The following KMT2E variants were observed in gnomAD, a reference collection of about 807,000 sequenced individuals.
KMT2E encodes histone reader KMT2E.
KMT2E carries 30 observed loss-of-function variants against 184.6 expected under a neutral mutation model. The ratio of observed to expected loss-of-function variants is 0.16; its 90% CI spans 0.12 to 0.22. The LOEUF (loss-of-function observed/expected upper bound fraction) is 0.22. Ranked by LOEUF, KMT2E falls within the 10% of genes least tolerant of loss-of-function variation. The probability of loss-of-function intolerance (pLI) is 1.00; values close to 1 mark genes in which losing one functional copy is unlikely to be tolerated. For missense variants in KMT2E, 2,023 were observed against 2,237.4 expected, an observed-to-expected ratio of 0.90 and a Z score of 1.93; for synonymous variants, 815 against 776.5, an observed-to-expected ratio of 1.05 and a Z score of -0.82.
At chr7:105,092,811 C>G (rs1304961398) in intron 15 of KMT2E, among the ~76,000 whole-genome samples, 1 of 151,984 alleles carries the variant, frequency 6.6e-6, no homozygotes, top group Non-Finnish European at 1.5e-5. Context: ...TTACTTATTT[C>G]TGTGTGTGGC....
chr7:105,065,133 T>G (rs1466692242), intron 5 of KMT2E, among the ~76,000 whole-genome samples: 1 of 152,220 alleles, frequency 6.6e-6, no homozygotes, highest in Non-Finnish European at 1.5e-5. Context: ...TCTGTTTTTC[T>G]GTTGCTCAGC....
At chr7:105,019,356 T>C (rs1231570933) in intron 1 of KMT2E, among the ~76,000 whole-genome samples, 1 of 152,208 alleles carries the variant, frequency 6.6e-6, no homozygotes, top group Non-Finnish European at 1.5e-5. Flanking sequence ...GATTTTATTT[T>C]TGGACAGAAA....
intron 1 of KMT2E, among the ~76,000 whole-genome samples, chr7:105,032,277 C>G (rs995275829): frequency 1.3e-5 from 2 of 151,628 alleles, no homozygotes; most frequent in Non-Finnish European, 2.9e-5. Context: ...AATGCTGTCT[C>G]TACTAAAAAT....
At chr7:105,076,166 GCT>G in intron 9 of KMT2E, 85 bp downstream of exon 9, 2 of 948,368 alleles carry the variant, frequency 2.1e-6, no homozygotes, top group Non-Finnish European at 3.4e-6. Context: ...TTTACTTAAT[GCT>G]CTGTTTATTG....
chr7:105,114,420 G>C lies in KMT2E; in HGVS notation c.*1087G>C, dbSNP rs981088526. 2.6e-5 allele frequency: 4 copies of C among 152,108 alleles called. No homozygotes were observed. The highest frequency in any genetic ancestry group is 7.2e-5 in the African/African-American group (3 of 41,504). The allele number at this position is 152,108 out of a possible 1,614,324, so 9.4% of individuals were successfully genotyped here. A position where few individuals can be genotyped will look rare whatever the true frequency, so the allele number is the denominator to read the frequency against. ...TGCCCAAAACAGGAAAATTTGTCTT[G>C]GGTGTAAAAACTAAAGAAAAAAGGC... On this transcript the variant is annotated 3_prime_UTR_variant, in exon 27 of 27. Coordinates refer to ENST00000311117, the MANE Select transcript of KMT2E (RefSeq NM_182931.3).
intron 13 of KMT2E, among the ~76,000 whole-genome samples, chr7:105,087,400 C>G (rs1163555727): frequency 6.7e-6 from 1 of 148,970 alleles, no homozygotes; most frequent in African/African-American, 2.5e-5. Flanking sequence ...CTTGATTATT[C>G]ATGAATGCAG....
chr7:105,080,182 CTATT>C (rs1797704969), intron 12 of KMT2E, among the ~76,000 whole-genome samples: 1 of 152,038 alleles, frequency 6.6e-6, no homozygotes, highest in South Asian at 2.1e-4. Flanking sequence ...CTTGGAAGCT[CTATT>C]TATGGCTCAA....
At chr7:105,067,789 G>A (rs1472771148) in intron 6 of KMT2E, among the ~76,000 whole-genome samples, 4 of 152,086 alleles carry the variant, frequency 2.6e-5, no homozygotes, top group Non-Finnish European at 4.4e-5. Context: ...TGGGAAACAT[G>A]GTGAAACCCT....
chr7:105,040,332 T>C (rs1020317954), intron 2 of KMT2E, among the ~76,000 whole-genome samples: 1 of 152,168 alleles, frequency 6.6e-6, no homozygotes, highest in Non-Finnish European at 1.5e-5. Flanking sequence ...TATACAATAA[T>C]AGACAATTAC....
rs553008712 is a variant in KMT2E at position 105,025,064 on chromosome 7, A to G, written c.-189+10529A>G. Among the ~76,000 whole-genome samples, 3 of 152,284 alleles carry G rather than the reference A, an allele frequency of 2.0e-5. No individual in the cohort carries two copies. The South Asian group carries it at 6.2e-4, about 32-fold the overall frequency. ...AGTGCTACTGAAAAATTTGCACTGG[A>G]GAATGACATGTGGAACGTGGCTTAT... On this transcript the variant is annotated intron_variant, in intron 1 of 26. Transcript: ENST00000311117.
At chr7:105,076,179 TG>T in intron 9 of KMT2E, 98 bp downstream of exon 9, 1 of 841,306 alleles carries the variant, frequency 1.2e-6, no homozygotes, top group Non-Finnish European at 2.0e-6. Flanking sequence ...CTGTTTATTG[TG>T]TGTCATGTCT....
intron 6 of KMT2E, among the ~76,000 whole-genome samples, chr7:105,071,608 ATTTTTTTTTTTTTTTT>A (rs869055986): frequency 3.1e-5 from 1 of 31,876 alleles, no homozygotes; most frequent in African/African-American, 1.4e-4. Flanking sequence ...ATATATATAT[ATTTTTTTTTTTTTTTT>A]TTTTTTTTTT....
At chr7:105,075,952 C>T in intron 8 of KMT2E, 91 bp from the exon 9 acceptor site, 1 of 975,732 alleles carries the variant, frequency 1.0e-6, no homozygotes, top group Non-Finnish European at 1.6e-6. Flanking sequence ...TATGACACTT[C>T]AGTTAAAAGT....
intron 15 of KMT2E, among the ~76,000 whole-genome samples, chr7:105,099,620 C>G (rs775134313): frequency 6.6e-6 from 1 of 152,142 alleles, no homozygotes; most frequent in Non-Finnish European, 1.5e-5. Flanking sequence ...GGCATAAATT[C>G]ATATTTACCT....
intron 5 of KMT2E, chr7:105,063,900 C>A: frequency 2.2e-6 from 1 of 450,384 alleles, no homozygotes; most frequent in Non-Finnish European, 4.3e-6. Context: ...AGAATTTAGT[C>A]TTTTGTATTT....
At chr7:105,079,286 C>T (rs1797658587) in intron 12 of KMT2E, among the ~76,000 whole-genome samples, 1 of 151,810 alleles carries the variant, frequency 6.6e-6, no homozygotes, top group Non-Finnish European at 1.5e-5. Context: ...AGGCACGCAC[C>T]ACCATGCCCG....
intron 3 of KMT2E, among the ~76,000 whole-genome samples, chr7:105,050,410 C>G (rs1375734095): frequency 1.3e-5 from 2 of 152,114 alleles, no homozygotes; most frequent in African/African-American, 4.8e-5. Context: ...AGTCCCCTCT[C>G]CTTTTAAAAA....
At chr7:105,044,527 G>A (rs1039303373) in intron 3 of KMT2E, among the ~76,000 whole-genome samples, 19 of 152,194 alleles carry the variant, frequency 1.2e-4, no homozygotes, top group Admixed American at 2.0e-4. Flanking sequence ...GGTAGAGGTA[G>A]GACTTGGAGG....
chr7:105,076,197 A>G (rs557606042), intron 9 of KMT2E, 116 bp downstream of exon 9: 33 of 712,934 alleles, frequency 4.6e-5, no homozygotes, highest in Middle Eastern at 2.4e-4. Context: ...GTCTTTGCCT[A>G]TTATCTTTAC....
Sources: allele counts gnomAD v4.1 joint callset (sites outside exome capture counted in the v4.1 genomes callset), GRCh38; gene constraint gnomAD v4.1.1; transcripts MANE v1.5; gene names NCBI Gene and HGNC (gene_info 2026-07-23, HGNC 2026-07-21).